Variants in IQSEC1 observed in about 807,000 individuals in gnomAD.
IQSEC1 encodes the protein IQ motif and SEC7 domain-containing protein 1.
In IQSEC1, 31 loss-of-function variants were observed where a neutral mutation model predicts 91.0. The ratio of observed to expected loss-of-function variants is 0.34; its 90% CI spans 0.26 to 0.46. IQSEC1 has a LOEUF of 0.46. Ranked by LOEUF, IQSEC1 falls within the 20% of genes least tolerant of loss-of-function variation. The pLI is 1.00. For missense variants in IQSEC1, 1,388 were observed against 1,575.6 expected, an observed-to-expected ratio of 0.88 and a Z score of 2.02; for synonymous variants, 699 against 662.6, an observed-to-expected ratio of 1.05 and a Z score of -0.84.
At chr3:12,916,812 G>A (rs369232393) in intron 6 of IQSEC1, among the ~76,000 whole-genome samples, 2 of 152,302 alleles carry the variant, frequency 1.3e-5, no homozygotes, top group African/African-American at 2.4e-5. Flanking sequence ...TACTTACTAC[G>A]CACCTGCCAA....
intron 2 of IQSEC1, among the ~76,000 whole-genome samples, chr3:12,939,779 C>T (rs1183159159): frequency 6.6e-6 from 1 of 152,218 alleles, no homozygotes; most frequent in African/African-American, 2.4e-5. Context: ...ACCAGCCTTA[C>T]CCAATGCTAT....
intron 1 of IQSEC1, among the ~76,000 whole-genome samples, chr3:13,172,591 T>C (rs570291994): frequency 6.6e-6 from 1 of 152,228 alleles, no homozygotes. Context: ...GACCAACACT[T>C]CCCGAGGGCA....
At chr3:13,041,012 A>G (rs1193140477) in intron 1 of IQSEC1, among the ~76,000 whole-genome samples, 1 of 152,058 alleles carries the variant, frequency 6.6e-6, no homozygotes, top group Admixed American at 6.5e-5. Flanking sequence ...TCGAGACAGG[A>G]AAGACAGGGG....
At chr3:13,050,570 A>G (rs1165386212) in intron 1 of IQSEC1, among the ~76,000 whole-genome samples, 1 of 152,254 alleles carries the variant, frequency 6.6e-6, no homozygotes, top group Non-Finnish European at 1.5e-5. Context: ...TAAGAGCTTA[A>G]AGGTTAACAC....
At chr3:13,070,902 C>A (rs908881056) in intron 1 of IQSEC1, among the ~76,000 whole-genome samples, 1 of 152,238 alleles carries the variant, frequency 6.6e-6, no homozygotes, top group African/African-American at 2.4e-5. Context: ...ATGCAGGTGG[C>A]TGGGCCCCCA....
intron 2 of IQSEC1, among the ~76,000 whole-genome samples, chr3:13,143,396 T>G (rs1369153920): frequency 6.6e-6 from 1 of 152,140 alleles, no homozygotes; most frequent in Middle Eastern, 3.2e-3. Context: ...TGGATTCTGT[T>G]ACACAGAAGC....
intron 1 of IQSEC1, among the ~76,000 whole-genome samples, chr3:13,255,627 TG>T (rs1695272285): frequency 6.6e-6 from 1 of 151,820 alleles, no homozygotes; most frequent in African/African-American, 2.4e-5. Context: ...GTTTTTTTTT[TG>T]TTCTTAGAGA....
Position 13,161,261 on chromosome 3 carries a change from C to T in IQSEC1, c.302+2843G>A, listed in dbSNP as rs1245615160. On this transcript the variant is annotated intron_variant, in intron 2 of 15. Transcript: ENST00000648114. ...GTGTGGCGTCCAGGGACCACCAGGG[C>T]CACTGCCACAGTGTGTCAGCCCAGG... is the stretch of plus-strand genomic sequence containing the variant. Among the ~76,000 whole-genome samples, 6 of 152,230 alleles carry T rather than the reference C, an allele frequency of 3.9e-5. No homozygotes were observed. In the East Asian group the frequency reaches 1.2e-3, roughly 30 times the overall value.
chr3:13,117,787 AG>A (rs1182966991), intron 2 of IQSEC1, among the ~76,000 whole-genome samples: 2 of 151,982 alleles, frequency 1.3e-5, no homozygotes, highest in East Asian at 3.9e-4. Flanking sequence ...CAGGAGGCTG[AG>A]GCAGGAGAAT....
intron 1 of IQSEC1, among the ~76,000 whole-genome samples, chr3:13,271,009 A>G (rs1695581921): frequency 6.6e-6 from 1 of 152,198 alleles, no homozygotes; most frequent in Non-Finnish European, 1.5e-5. Flanking sequence ...GACAAAATAA[A>G]CTTTAAGATA....
chr3:13,120,883 C>T (rs923005036), intron 2 of IQSEC1, among the ~76,000 whole-genome samples: 1 of 152,232 alleles, frequency 6.6e-6, no homozygotes, highest in Non-Finnish European at 1.5e-5. Context: ...TCGCACTCCT[C>T]TCTCAGAGAA....
At chr3:12,961,372 C>A (rs1473951705) in intron 1 of IQSEC1, among the ~76,000 whole-genome samples, 3 of 152,268 alleles carry the variant, frequency 2.0e-5, no homozygotes, top group African/African-American at 7.2e-5. Flanking sequence ...CCCAGCCCAA[C>A]TGCAAGCTGC....
intron 1 of IQSEC1, among the ~76,000 whole-genome samples, chr3:13,278,621 G>A (rs1325238722): frequency 1.3e-5 from 2 of 152,098 alleles, no homozygotes; most frequent in Non-Finnish European, 2.9e-5. Flanking sequence ...GAGTTTCAGA[G>A]CAGCCTGACC....
At chr3:13,192,350 A>G (rs1034847232) in intron 1 of IQSEC1, among the ~76,000 whole-genome samples, 19 of 152,030 alleles carry the variant, frequency 1.2e-4, no homozygotes, top group Middle Eastern at 3.4e-3. Flanking sequence ...AAAAAAAAAA[A>G]AAAAGAAAAG....
At chr3:13,150,700 T>TGGGTG (rs1309948893) in intron 2 of IQSEC1, among the ~76,000 whole-genome samples, 1 of 152,156 alleles carries the variant, frequency 6.6e-6, no homozygotes, top group Non-Finnish European at 1.5e-5. Context: ...GAGAGGACAG[T>TGGGTG]GGGTGGGAGC....
intron 1 of IQSEC1, among the ~76,000 whole-genome samples, chr3:12,958,143 T>G (rs1448294470): frequency 1.3e-5 from 2 of 152,172 alleles, no homozygotes; most frequent in Admixed American, 1.3e-4. Flanking sequence ...GAGCTCCCCC[T>G]GCCCTTGCAG....
At chr3:13,082,868 A>T (rs1444960573) in intron 2 of IQSEC1, among the ~76,000 whole-genome samples, 1 of 150,548 alleles carries the variant, frequency 6.6e-6, no homozygotes, top group Non-Finnish European at 1.5e-5. Flanking sequence ...TCAGCCCCCC[A>T]CTCCCAAGCT....
chr3:12,958,160 G>GT (rs1469259282), intron 1 of IQSEC1, among the ~76,000 whole-genome samples: 1 of 152,172 alleles, frequency 6.6e-6, no homozygotes, highest in Non-Finnish European at 1.5e-5. Context: ...GCAGGACCTG[G>GT]TGCAGGTGCT....
chr3:13,096,993 T>C (rs1705976813), intron 2 of IQSEC1, among the ~76,000 whole-genome samples: 1 of 152,032 alleles, frequency 6.6e-6, no homozygotes, highest in Non-Finnish European at 1.5e-5. Context: ...CCCAAGTAGC[T>C]GGGACTACAG....
Sources: gnomAD v4.1 joint callset for allele counts (sites outside exome capture counted in the v4.1 genomes callset) on GRCh38, gnomAD v4.1.1 for gene constraint, MANE v1.5 for transcripts, NCBI Gene and HGNC (gene_info 2026-07-23, HGNC 2026-07-21) for gene names.